Variants in WDPCP observed in about 807,000 individuals in gnomAD.
WDPCP encodes the protein WD repeat containing planar cell polarity effector, also known as WD repeat-containing and planar cell polarity effector protein fritz homolog.
A neutral mutation model predicts 93.1 loss-of-function variants in WDPCP; 71 were observed. The ratio of observed to expected loss-of-function variants is 0.76; its 90% confidence interval spans 0.63 to 0.93. The LOEUF (loss-of-function observed/expected upper bound fraction) is 0.93, where lower values mean the gene tolerates loss of function less well. Ranked by LOEUF, WDPCP falls within the 40% of genes least tolerant of loss-of-function variation. The pLI, the probability that WDPCP is intolerant of heterozygous loss-of-function variation, is 0.00. For synonymous variants in WDPCP, 315 were observed against 315.0 expected (o/e 1.00, Z 0.00); for missense variants, 844 against 887.4 (o/e 0.95, Z 0.62).
At chr2:63,533,939 G>C (rs1194210697) in intron 1 of WDPCP, among the ~76,000 whole-genome samples, 1 of 151,930 alleles carries the variant, frequency 6.6e-6, no homozygotes, top group Non-Finnish European at 1.5e-5. Context: ...TTCTTGAAAA[G>C]ATCAACAAAA....
intron 14 of WDPCP, among the ~76,000 whole-genome samples, chr2:63,191,754 T>C (rs1257778276): frequency 6.6e-6 from 1 of 152,246 alleles, no homozygotes; most frequent in Admixed American, 6.5e-5. Context: ...ACATCTGTTT[T>C]TTTTATGGCC....
intron 6 of WDPCP, 152 bp downstream of exon 6, chr2:63,484,452 G>A (rs1238902419): frequency 2.4e-6 from 2 of 819,648 alleles, no homozygotes; most frequent in African/African-American, 3.4e-5. Flanking sequence ...TCTGTCTAAT[G>A]TTAGCTCTAG....
intron 6 of WDPCP, among the ~76,000 whole-genome samples, chr2:63,463,595 T>C (rs986771593): frequency 6.6e-5 from 10 of 152,046 alleles, no homozygotes; most frequent in Admixed American, 1.3e-4. Flanking sequence ...TCAAAATATA[T>C]TACAAAACTA....
chr2:63,309,024 C>T (rs1330144599), intron 13 of WDPCP, among the ~76,000 whole-genome samples: 3 of 152,108 alleles, frequency 2.0e-5, no homozygotes, highest in Non-Finnish European at 4.4e-5. Flanking sequence ...TAATCAAACA[C>T]CACATATTCT....
At position 63,622,270 on chromosome 2, in the gene WDPCP, C is replaced by A. The variant is rs563103938; in HGVS notation, n.488+28389G>T. 3.3e-5 allele frequency: 53 copies of A among 1,609,918 alleles called. No individual in the cohort carries two copies. In the African/African-American group the frequency reaches 5.6e-4, roughly 17 times the overall value. On this transcript the variant is annotated intron_variant and non_coding_transcript_variant, in intron 3 of 4. Transcript: ENST00000467687. ...GTAGCTGCCAGTGCCGTCTCCTCTG[C>A]CTTCTCCTTGGCTTCCTTGGCTGTC...
chr2:63,358,071 T>C (rs1179479169), intron 12 of WDPCP, among the ~76,000 whole-genome samples: 1 of 151,902 alleles, frequency 6.6e-6, no homozygotes, highest in Non-Finnish European at 1.5e-5. Context: ...ACATATGAAC[T>C]GGGGTCTACT....
At chr2:63,809,591 C>T (rs1367354773) in intron 2 of WDPCP, among the ~76,000 whole-genome samples, 2 of 152,132 alleles carry the variant, frequency 1.3e-5, no homozygotes, top group African/African-American at 4.8e-5. Flanking sequence ...GCCTTGGGAT[C>T]CTGTTGATCT....
intron 6 of WDPCP, among the ~76,000 whole-genome samples, chr2:63,454,495 C>T (rs760504302): frequency 4.0e-5 from 6 of 149,980 alleles, no homozygotes; most frequent in East Asian, 1.9e-4. Context: ...CAGAACTTAA[C>T]GTATAATAAT....
intron 9 of WDPCP, among the ~76,000 whole-genome samples, chr2:63,422,772 G>A (rs1695968150): frequency 6.6e-6 from 1 of 152,156 alleles, no homozygotes. Flanking sequence ...CTACTAACTT[G>A]AGGAATTTTC....
intron 2 of WDPCP, among the ~76,000 whole-genome samples, chr2:63,704,110 T>C (rs1448401950): frequency 1.3e-5 from 2 of 152,340 alleles, no homozygotes; most frequent in African/African-American, 2.4e-5. Flanking sequence ...TTGTCTGTTA[T>C]TGGTGTATAA....
intron 2 of WDPCP, among the ~76,000 whole-genome samples, chr2:63,702,969 G>T (rs892978423): frequency 1.1e-4 from 16 of 152,008 alleles, no homozygotes; most frequent in African/African-American, 3.9e-4. Flanking sequence ...AGAACATGTG[G>T]TGTTTGGTTT....
upstream of WDPCP, chr2:63,588,724 C>G (rs552378671): frequency 9.2e-5 from 46 of 499,276 alleles, no homozygotes; most frequent in East Asian, 1.6e-3. Flanking sequence ...TGAGCCCAAA[C>G]CATCCGTTTG....
intron 14 of WDPCP, among the ~76,000 whole-genome samples, chr2:63,222,148 T>A (rs1371765465): frequency 1.3e-5 from 2 of 152,182 alleles, no homozygotes; most frequent in Admixed American, 6.6e-5. Flanking sequence ...AGCAGTTTCA[T>A]CTCTCTATAT....
At position 63,317,428 on chromosome 2, in the gene WDPCP, A is replaced by G. The variant is rs1369544454; in HGVS notation, c.1749-4117T>C. ...CATCTCAAAAAAAAAAAAAAATTATATGGAACCAAAAAAAGCCTGAACACC... is the reference window on the plus strand; with the variant it reads ...CATCTCAAAAAAAAAAAAAAATTATGTGGAACCAAAAAAAGCCTGAACACC... On this transcript the variant is annotated intron_variant, in intron 12 of 17. Coordinates refer to ENST00000272321, the MANE Select transcript of WDPCP (RefSeq NM_015910.7). 7.3e-5 allele frequency among the ~76,000 whole-genome samples: 11 copies of G among 151,362 alleles called. 1 individual carries two copies. The highest frequency in any genetic ancestry group is 7.2e-4 in the Admixed American group (11 of 15,180).
chr2:63,336,921 G>T (rs1688420721), intron 12 of WDPCP, among the ~76,000 whole-genome samples: 1 of 136,338 alleles, frequency 7.3e-6, no homozygotes, highest in Non-Finnish European at 1.5e-5. Flanking sequence ...TTGAGACAGA[G>T]TCTCGCTCTG....
chr2:63,681,653 T>A (rs531222974), intron 2 of WDPCP, among the ~76,000 whole-genome samples: 2 of 152,284 alleles, frequency 1.3e-5, no homozygotes, highest in South Asian at 2.1e-4. Context: ...GGTTTTGCCA[T>A]CTGCTGATTG....
At chr2:63,452,015 C>T (rs950958525) in intron 6 of WDPCP, among the ~76,000 whole-genome samples, 37 of 152,230 alleles carry the variant, frequency 2.4e-4, no homozygotes, top group African/African-American at 8.9e-4. Context: ...GGAAGCACTC[C>T]CTTTGAAAAC....
At chr2:63,821,633 A>G (rs1575782297) in intron 1 of WDPCP, among the ~76,000 whole-genome samples, 4 of 152,182 alleles carry the variant, frequency 2.6e-5, no homozygotes, top group Admixed American at 2.6e-4. Context: ...AGAGTGGACC[A>G]TGGTGAACTA....
intron 14 of WDPCP, among the ~76,000 whole-genome samples, chr2:63,252,531 A>G (rs371372791): frequency 6.6e-6 from 1 of 152,084 alleles, no homozygotes; most frequent in Non-Finnish European, 1.5e-5. Flanking sequence ...AACCCTAAGG[A>G]CTTCACCAGA....
Sources: allele counts gnomAD v4.1 joint callset (sites outside exome capture counted in the v4.1 genomes callset), GRCh38; gene constraint gnomAD v4.1.1; transcripts MANE v1.5; gene names NCBI Gene and HGNC (gene_info 2026-07-23, HGNC 2026-07-21).